Variants in COL5A2 observed in about 807,000 individuals in gnomAD.
COL5A2 encodes collagen alpha-2(V) chain.
A neutral mutation model predicts 208.2 loss-of-function variants in COL5A2; 23 were observed. That is an observed-to-expected ratio of 0.11 (90% CI 0.08 to 0.16). COL5A2 has a LOEUF of 0.16. Ranked by LOEUF, COL5A2 falls within the 10% of genes least tolerant of loss-of-function variation. The pLI is 1.00. For missense variants in COL5A2, 1,590 were observed against 1,956.4 expected (o/e 0.81, Z 3.53); for synonymous variants, 625 against 628.5 (o/e 0.99, Z 0.08).
chr2:189,187,835 G>C (rs1257899713), intron 1 of COL5A2, among the ~76,000 whole-genome samples: 8 of 152,060 alleles, frequency 5.3e-5, no homozygotes, highest in Non-Finnish European at 1.0e-4. Context: ...CAGGCGTGGT[G>C]GTGGGCGCCT....
the COL5A2 span, among the ~76,000 whole-genome samples, chr2:189,394,131 A>G: frequency 6.6e-6 from 1 of 152,146 alleles, no homozygotes; most frequent in East Asian, 1.9e-4. Context: ...TATTCTTTCC[A>G]AGGGACTATC....
the COL5A2 span, among the ~76,000 whole-genome samples, chr2:189,269,633 G>T: frequency 1.3e-5 from 2 of 152,220 alleles, no homozygotes; most frequent in South Asian, 4.1e-4. Flanking sequence ...GATGGATTTG[G>T]TTTGCCAATA....
intron 1 of COL5A2, among the ~76,000 whole-genome samples, chr2:189,154,790 T>C (rs369765302): frequency 6.6e-6 from 1 of 152,118 alleles, no homozygotes; most frequent in African/African-American, 2.4e-5. Context: ...AAAAGGAGAA[T>C]TCTACTAGAC....
chr2:189,350,081 G>A, the COL5A2 span, among the ~76,000 whole-genome samples: 1 of 151,930 alleles, frequency 6.6e-6, no homozygotes, highest in Non-Finnish European at 1.5e-5. Flanking sequence ...TACTCCAGCA[G>A]TCACCAAGAA....
At chr2:189,353,997 G>A in the COL5A2 span, among the ~76,000 whole-genome samples, 2 of 152,136 alleles carry the variant, frequency 1.3e-5, no homozygotes, top group South Asian at 2.1e-4. Context: ...AGAATGAAGC[G>A]ATGTTGAATA....
intron 46 of COL5A2, 108 bp from the exon 47 acceptor site, chr2:189,045,340 A>ATGTG (rs111268949): frequency 1.4e-4 from 80 of 582,226 alleles, no homozygotes; most frequent in African/African-American, 3.5e-4. Flanking sequence ...ATATATATAT[A>ATGTG]TGTGTGTGTG....
chr2:189,271,238 C>A, the COL5A2 span, among the ~76,000 whole-genome samples: 6 of 152,080 alleles, frequency 3.9e-5, no homozygotes, highest in Non-Finnish European at 7.4e-5. Flanking sequence ...GGAGCCATCA[C>A]GCTACCTGAC....
chr2:189,422,177 G>A, the COL5A2 span, among the ~76,000 whole-genome samples: 1 of 152,222 alleles, frequency 6.6e-6, no homozygotes, highest in East Asian at 1.9e-4. Context: ...AAGTGCCAGT[G>A]ACTGGCCCTA....
the COL5A2 span, among the ~76,000 whole-genome samples, chr2:189,250,302 G>C: frequency 1.3e-5 from 2 of 152,212 alleles, no homozygotes; most frequent in Admixed American, 1.3e-4. Flanking sequence ...TTACAGATGA[G>C]GGCTAAAACA....
chr2:189,368,202 G>T, the COL5A2 span, among the ~76,000 whole-genome samples: 1 of 152,114 alleles, frequency 6.6e-6, no homozygotes, highest in Non-Finnish European at 1.5e-5. Flanking sequence ...AAAAAGATAA[G>T]TTCCCTTTGA....
chr2:189,229,109 C>A (rs1689450551), upstream of COL5A2, among the ~76,000 whole-genome samples: 1 of 151,628 alleles, frequency 6.6e-6, no homozygotes, highest in Non-Finnish European at 1.5e-5. Flanking sequence ...AAGTCAATAT[C>A]CTTTCAGGAT....
the COL5A2 span, among the ~76,000 whole-genome samples, chr2:189,408,854 AT>A: frequency 6.6e-6 from 1 of 152,204 alleles, no homozygotes; most frequent in Non-Finnish European, 1.5e-5. Context: ...AATGAACTGA[AT>A]TATTAATTCA....
At chr2:189,163,557 G>C (rs1462672071) in intron 1 of COL5A2, among the ~76,000 whole-genome samples, 1 of 152,148 alleles carries the variant, frequency 6.6e-6, no homozygotes, top group South Asian at 2.1e-4. Context: ...TAAATTGGGA[G>C]CTGTGCTCCT....
At chr2:189,223,344 C>T (rs1320910370) in intron 1 of COL5A2, among the ~76,000 whole-genome samples, 1 of 152,154 alleles carries the variant, frequency 6.6e-6, no homozygotes, top group East Asian at 1.9e-4. Context: ...CCTACACCTG[C>T]CTAATCCATA....
At chr2:189,174,019 A>T (rs1392673087) in intron 1 of COL5A2, among the ~76,000 whole-genome samples, 2 of 152,246 alleles carry the variant, frequency 1.3e-5, no homozygotes, top group Non-Finnish European at 2.9e-5. Flanking sequence ...AATGCCATGT[A>T]AGGCCAGGTG....
chr2:189,162,132 CCT>C (rs1023837777), intron 1 of COL5A2, among the ~76,000 whole-genome samples: 2 of 152,186 alleles, frequency 1.3e-5, no homozygotes, highest in African/African-American at 4.8e-5. Flanking sequence ...CTGTTATTCC[CCT>C]GATTCTTTGT....
chr2:189,357,081 T>C, the COL5A2 span, among the ~76,000 whole-genome samples: 35 of 152,296 alleles, frequency 2.3e-4, 1 homozygote, highest in Middle Eastern at 6.8e-3. Context: ...ACAGCAGAGA[T>C]TGCTATCTGT....
At chr2:189,117,397 T>C (rs1687412960) in intron 1 of COL5A2, among the ~76,000 whole-genome samples, 1 of 152,152 alleles carries the variant, frequency 6.6e-6, no homozygotes, top group African/African-American at 2.4e-5. Flanking sequence ...TCTTAAATAT[T>C]AATCCTCAGT....
the COL5A2 span, among the ~76,000 whole-genome samples, chr2:189,239,988 G>A: frequency 1.3e-5 from 2 of 152,016 alleles, no homozygotes; most frequent in African/African-American, 2.4e-5. Flanking sequence ...ACTGTTTTAA[G>A]CCACTAGATT....
Sources: allele counts gnomAD v4.1 joint callset (sites outside exome capture counted in the v4.1 genomes callset), GRCh38; gene constraint gnomAD v4.1.1; transcripts MANE v1.5; gene names NCBI Gene and HGNC (gene_info 2026-07-23, HGNC 2026-07-21).